UNC80: variants seen among roughly 807,000 people sequenced by gnomAD.
UNC80 encodes the protein protein unc-80 homolog.
In UNC80, 164 loss-of-function variants were observed where a neutral mutation model predicts 384.6. That is an observed-to-expected ratio of 0.43 (90% CI 0.38 to 0.49). UNC80 has a LOEUF of 0.49. Among genes scored for constraint, UNC80 ranks in the 20% least tolerant of loss-of-function variants. The pLI is 0.00. For missense variants in UNC80, 3,330 were observed against 4,143.0 expected, an observed-to-expected ratio of 0.80 and a Z score of 5.39; for synonymous variants, 1,486 against 1,527.8, an observed-to-expected ratio of 0.97 and a Z score of 0.64.
At chr2:209,912,746 G>C (rs2089091615) in intron 30 of UNC80, 79 bp downstream of exon 30, 1 of 974,130 alleles carries the variant, frequency 1.0e-6, no homozygotes, top group South Asian at 1.6e-5. Context: ...ACTAATGTTT[G>C]GGACATACAA....
chr2:209,825,983 C>A lies in UNC80; in HGVS notation c.2408C>A (p.Ala803Asp). ...AAAATAGTGAAGTCTTTGGGATGTG[C>A]CTATGGTTGTGGTGAAGGACACCGA... is the stretch of plus-strand genomic sequence containing the variant. Reference protein sequence around the residue: ...LIKIVKSLGCAYGCGEGHRGL... With the variant: ...LIKIVKSLGCDYGCGEGHRGL... Residue 803 changes from alanine to aspartate, a missense_variant, in exon 14 of 65, where the codon GCC (alanine) becomes GAC (aspartate). Ala to Asp is a moderately radical substitution (Grantham distance 126). This residue lies in a region of UNC80 where 937 missense variants were observed against 1,026.8 expected (regional missense o/e 0.91). Transcript: ENST00000673920. 6.4e-7 allele frequency: 1 copy of A among 1,550,788 alleles called. No homozygotes were observed. Among genetic ancestry groups the A allele is most frequent in the Non-Finnish European group, 8.7e-7 (1 of 1,146,470 alleles).
At chr2:209,903,661 T>C (rs1195289057) in intron 28 of UNC80, among the ~76,000 whole-genome samples, 2 of 119,766 alleles carry the variant, frequency 1.7e-5, no homozygotes, top group Admixed American at 1.2e-4. Context: ...AATATATATA[T>C]ACTATATATA....
intron 1 of UNC80, 89 bp from the exon 2 acceptor site, chr2:209,773,005 T>G (rs1277952771): frequency 7.6e-6 from 8 of 1,052,654 alleles, no homozygotes. Flanking sequence ...CATAGCATCC[T>G]GTCTTATTCA....
chr2:209,917,921 G>A lies in UNC80; in HGVS notation c.5174G>A (p.Trp1725Ter). 1.3e-6 allele frequency: 2 copies of A among 1,551,684 alleles called. No individual in the cohort carries two copies. Among genetic ancestry groups the A allele is most frequent in the African/African-American group, 1.4e-5 (1 of 73,144 alleles). The change falls in exon 32 of 65, where the codon TGG becomes TAG. Residue 1725 changes from tryptophan (W) to a stop codon, truncating the protein, a stop_gained. Transcript: ENST00000673920. LOFTEE classifies it high-confidence loss of function. Reference protein sequence around the residue: ...HTLWRFRYQVWPRMEEGAQQI... With the variant: ...HTLWRFRYQV Reference sequence around the variant, plus strand: ...CTCTGGAGGTTTCGCTATCAGGTCTGGCCCCGGATGGAGGAAGGGGCACAG... The same window carrying A: ...CTCTGGAGGTTTCGCTATCAGGTCTAGCCCCGGATGGAGGAAGGGGCACAG...
In UNC80 at chr2:209,995,661, A is replaced by G. The variant is rs943021567; in HGVS notation, c.*66A>G. ...AAAGTGATCTCTCTACTACAAGTTC[A>G]ATACTTTTGCTTGAAAAAGATTAAT... On this transcript the variant is annotated 3_prime_UTR_variant, in exon 65 of 65. Coordinates refer to ENST00000673920, the MANE Select transcript of UNC80 (RefSeq NM_001371986.1). 3 of 1,490,846 alleles carry G rather than the reference A, an allele frequency of 2.0e-6. No individual in the cohort carries two copies. The African/African-American group carries it at 4.2e-5, about 21-fold the overall frequency. 92.4% of individuals were successfully genotyped at this position (1,490,846 alleles called of 1,614,324 possible).
At chr2:209,785,103 G>T (rs767125053) in intron 4 of UNC80, among the ~76,000 whole-genome samples, 1 of 152,144 alleles carries the variant, frequency 6.6e-6, no homozygotes, top group Admixed American at 6.6e-5. Flanking sequence ...AATGGGTCTG[G>T]GTAGGAGAGG....
At chr2:209,777,744 C>A (rs1250902031) in intron 4 of UNC80, among the ~76,000 whole-genome samples, 185 bp downstream of exon 4, 1 of 152,154 alleles carries the variant, frequency 6.6e-6, no homozygotes, top group African/African-American at 2.4e-5. Flanking sequence ...TTCCACAAAG[C>A]CTTTACCTAC....
chr2:209,918,473 T>C, intron 32 of UNC80, 59 bp from the exon 33 acceptor site: 6 of 1,513,310 alleles, frequency 4.0e-6, no homozygotes, highest in Admixed American at 2.0e-5. Context: ...ATCATTATAC[T>C]TCAGCCTCAT....
chr2:209,887,455 A>G (rs911500891), intron 25 of UNC80, among the ~76,000 whole-genome samples: 2 of 152,166 alleles, frequency 1.3e-5, no homozygotes, highest in African/African-American at 4.8e-5. Flanking sequence ...GATTGGGCCC[A>G]TTTAGCTAGC....
chr2:209,945,028 C>T (rs1409269688), intron 45 of UNC80, 23 bp from the exon 46 acceptor site: 2 of 1,547,474 alleles, frequency 1.3e-6, no homozygotes, highest in Middle Eastern at 3.4e-4. Flanking sequence ...AGTCAATAAA[C>T]AAAAATTGTT....
chr2:209,992,278 A>G (rs1447031057), intron 62 of UNC80, 31 bp downstream of exon 62: 4 of 1,535,994 alleles, frequency 2.6e-6, no homozygotes, highest in East Asian at 4.9e-5. Flanking sequence ...CAAGAGAACC[A>G]TCCTACGAAT....
chr2:209,794,235 T>C (rs567808254), intron 7 of UNC80, among the ~76,000 whole-genome samples: 65 of 152,368 alleles, frequency 4.3e-4, no homozygotes, highest in Non-Finnish European at 7.5e-4. Flanking sequence ...TTAGTGCTTC[T>C]AAATCACATA....
intron 3 of UNC80, 140 bp downstream of exon 3, chr2:209,776,185 C>G (rs1316399516): frequency 9.0e-7 from 1 of 1,108,718 alleles, no homozygotes; most frequent in East Asian, 2.6e-5. Context: ...CAAAATCCTC[C>G]TCACACTTAT....
Position 209,809,154 on chromosome 2 carries a change from G to A in UNC80, c.939-4426G>A, listed in dbSNP as rs550184013. The A allele has an allele frequency of 5.8e-5, 35 of 607,632 alleles. 1 individual carries two copies. The East Asian group carries it at 7.9e-4, about 14-fold the overall frequency. The allele number at this position is 607,632 out of a possible 1,614,324, so 37.6% of individuals were successfully genotyped here. On this transcript the variant is annotated intron_variant, in intron 7 of 64. Transcript: ENST00000673920. ...CCACTTCAGCTTCTTCCTTGGAGGC[G>A]GAGGCCGATACCACCTTCCCAGGCT...
intron 42 of UNC80, among the ~76,000 whole-genome samples, chr2:209,938,952 GC>G (rs957389674): frequency 2.0e-5 from 3 of 152,094 alleles, no homozygotes; most frequent in African/African-American, 7.2e-5. Context: ...AGAACCAAGA[GC>G]CCCATGTGTA....
intron 22 of UNC80, among the ~76,000 whole-genome samples, chr2:209,863,190 G>C (rs991448875): frequency 6.6e-6 from 1 of 152,150 alleles, no homozygotes; most frequent in African/African-American, 2.4e-5. Flanking sequence ...TAGAGTTTCT[G>C]CTGAGAGGCC....
rs1416240323 is a variant in UNC80 at position 209,820,524 on chromosome 2, A to G, written c.2176A>G (p.Thr726Ala). Residue 726 changes from threonine to alanine, a missense_variant, in exon 13 of 65, where the codon ACC becomes GCC. Transcript: ENST00000673920. The stretch of plus-strand genomic sequence containing the variant: ...ATTCAAAGGAGTATCTGGAAGTTCC[A>G]CCTGTGGATTCGGAGGCCCTGCTGT... ...FQFKGVSGSSTCGFGGPAVSG... is the reference protein window; with the variant it reads ...FQFKGVSGSSACGFGGPAVSG... 4 of 1,551,076 alleles carry G rather than the reference A, an allele frequency of 2.6e-6. No homozygotes were observed. The Admixed American group carries it at 7.9e-5, about 30-fold the overall frequency.
At chr2:209,978,016 T>C (rs1437644184) in intron 58 of UNC80, among the ~76,000 whole-genome samples, 1 of 152,208 alleles carries the variant, frequency 6.6e-6, no homozygotes, top group Non-Finnish European at 1.5e-5. Flanking sequence ...AATATTCTAC[T>C]TTGTAATAAA....
At chr2:209,809,478 G>T in intron 7 of UNC80, 1 of 1,383,688 alleles carries the variant, frequency 7.2e-7, no homozygotes, top group South Asian at 1.2e-5. Context: ...AGACCCACTT[G>T]GACGTCAAGA....
Sources: allele counts gnomAD v4.1 joint callset (sites outside exome capture counted in the v4.1 genomes callset), GRCh38; gene constraint gnomAD v4.1.1; regional missense constraint gnomAD v4.1.1; transcripts MANE v1.5; gene names NCBI Gene and HGNC (gene_info 2026-07-23, HGNC 2026-07-21).